METAP1D: variants seen among roughly 807,000 people sequenced by gnomAD.
METAP1D encodes methionine aminopeptidase 1D, mitochondrial.
Under a neutral mutation model 40.5 loss-of-function variants are expected in METAP1D, and 31 were observed. The observed-to-expected ratio is 0.77, with a 90% confidence interval of 0.58 to 1.03. The LOEUF is 1.03. Ranked by LOEUF, METAP1D falls within the 50% of genes least tolerant of loss-of-function variation. The pLI is 0.00. For missense variants in METAP1D, 411 were observed against 420.7 expected (o/e 0.98, Z 0.20); for synonymous variants, 151 against 146.4 (o/e 1.03, Z -0.22).
At position 172,049,039 on chromosome 2, in the gene METAP1D, C is replaced by T. The variant is rs575617570; in HGVS notation, c.41-12459C>T. 2.5e-4 allele frequency among the ~76,000 whole-genome samples: 38 copies of T among 152,266 alleles called. 1 individual carries two copies. The South Asian group carries it at 6.4e-3, about 26-fold the overall frequency. ...TCGCTCTGTTGCCTAGGCTGAAGTGCAGCAGCGCAATCTTGGCTCACTGCA... is the reference window on the plus strand; with the variant it reads ...TCGCTCTGTTGCCTAGGCTGAAGTGTAGCAGCGCAATCTTGGCTCACTGCA... On this transcript the variant is annotated intron_variant, in intron 1 of 9. Coordinates refer to ENST00000315796, the MANE Select transcript of METAP1D (RefSeq NM_199227.3).
Position 172,077,840 on chromosome 2 carries a change from G to T in METAP1D, c.748G>T (p.Val250Leu), listed in dbSNP as rs1183165516. ...TGGTTTTCAAGTCTGTCCACATTTTGTGGGACATGGAATAGGATCTTACTT... is the reference window on the plus strand; with the variant it reads ...TGGTTTTCAAGTCTGTCCACATTTTTTGGGACATGGAATAGGATCTTACTT... The part of the protein sequence containing the change: ...QNGFQVCPHF[V>L]GHGIGSYFHG... Residue 250 changes from valine (V) to leucine (L), a missense_variant, in exon 7 of 10, where the codon GTG becomes TTG. Transcript: ENST00000315796. 2.5e-6 allele frequency: 4 copies of T among 1,612,016 alleles called. No homozygotes were observed. The highest frequency in any genetic ancestry group is 2.7e-5 in the African/African-American group (2 of 74,914).
At chr2:172,076,594 A>C (rs1418754688) in intron 6 of METAP1D, among the ~76,000 whole-genome samples, 1 of 152,268 alleles carries the variant, frequency 6.6e-6, no homozygotes, top group Non-Finnish European at 1.5e-5. Context: ...TTAAATCTGA[A>C]TAAGAGGCTG....
chr2:172,024,479 A>G (rs1689079201), intron 1 of METAP1D, among the ~76,000 whole-genome samples: 1 of 152,062 alleles, frequency 6.6e-6, no homozygotes, highest in Non-Finnish European at 1.5e-5. Context: ...CCAAACCACA[A>G]AGCCCAACCA....
intron 1 of METAP1D, among the ~76,000 whole-genome samples, chr2:172,045,865 GA>G: frequency 1.6e-5 from 1 of 62,922 alleles, no homozygotes; most frequent in South Asian, 5.3e-4. Context: ...ATATATATAT[GA>G]CGGAATTCTT....
At chr2:172,016,114 AAG>A (rs1271161247) in intron 1 of METAP1D, among the ~76,000 whole-genome samples, 1 of 147,180 alleles carries the variant, frequency 6.8e-6, no homozygotes, top group Non-Finnish European at 1.5e-5. Context: ...AAAACAAAAA[AAG>A]AAAAAAAAAA....
At chr2:172,071,714 C>CT (rs1305138871) in intron 6 of METAP1D, among the ~76,000 whole-genome samples, 1 of 152,008 alleles carries the variant, frequency 6.6e-6, no homozygotes, top group Non-Finnish European at 1.5e-5. Context: ...ACTTTTAGGT[C>CT]TTTTTTCCCC....
chr2:172,013,684 TGA>T (rs1284631264), intron 1 of METAP1D, among the ~76,000 whole-genome samples: 1 of 152,022 alleles, frequency 6.6e-6, no homozygotes, highest in Admixed American at 6.6e-5. Context: ...AGGCCACATG[TGA>T]GAGAATAGAG....
intron 1 of METAP1D, among the ~76,000 whole-genome samples, chr2:172,030,280 C>T (rs1029776081): frequency 1.3e-5 from 2 of 150,920 alleles, no homozygotes; most frequent in Admixed American, 6.6e-5. Flanking sequence ...TTATTAGAGA[C>T]GGGGTTTCTT....
chr2:172,025,675 C>T (rs1396187631), intron 1 of METAP1D, among the ~76,000 whole-genome samples: 6 of 151,982 alleles, frequency 3.9e-5, no homozygotes, highest in Non-Finnish European at 8.8e-5. Context: ...TGGTATGAGT[C>T]TCCATGTAAG....
chr2:172,059,864 C>T (rs1398653526), intron 1 of METAP1D, among the ~76,000 whole-genome samples: 6 of 152,090 alleles, frequency 3.9e-5, no homozygotes, highest in African/African-American at 1.4e-4. Flanking sequence ...GCATGGCCAA[C>T]ATGGTGAAAC....
At chr2:172,069,665 A>G (rs977524864) in intron 5 of METAP1D, among the ~76,000 whole-genome samples, 1 of 152,212 alleles carries the variant, frequency 6.6e-6, no homozygotes, top group Non-Finnish European at 1.5e-5. Flanking sequence ...AAGTGGGAGT[A>G]AATGTATAAA....
intron 1 of METAP1D, among the ~76,000 whole-genome samples, chr2:172,037,145 C>T (rs183306840): frequency 6.6e-6 from 1 of 152,148 alleles, no homozygotes; most frequent in East Asian, 1.9e-4. Flanking sequence ...ACCTATAATC[C>T]CAGCTGCTTG....
At chr2:172,022,579 A>C (rs1014466894) in intron 1 of METAP1D, among the ~76,000 whole-genome samples, 1 of 152,182 alleles carries the variant, frequency 6.6e-6, no homozygotes, top group Admixed American at 6.6e-5. Flanking sequence ...CTTTGCTTGC[A>C]TAAGTAAAAA....
At chr2:172,065,040 C>A (rs1200061189) in intron 3 of METAP1D, among the ~76,000 whole-genome samples, 1 of 152,130 alleles carries the variant, frequency 6.6e-6, no homozygotes. Context: ...TTTATTTAGA[C>A]ATGAAAGAAA....
At chr2:172,021,245 G>T (rs1028736763) in intron 1 of METAP1D, among the ~76,000 whole-genome samples, 3 of 152,152 alleles carry the variant, frequency 2.0e-5, no homozygotes, top group African/African-American at 7.2e-5. Context: ...CAGGACTCCT[G>T]GTATGGAATG....
intron 1 of METAP1D, among the ~76,000 whole-genome samples, chr2:172,005,929 A>T (rs1366835256): frequency 6.6e-6 from 1 of 152,160 alleles, no homozygotes; most frequent in Non-Finnish European, 1.5e-5. Flanking sequence ...ATTTCAATGT[A>T]TACTACAGGG....
intron 1 of METAP1D, among the ~76,000 whole-genome samples, chr2:172,025,938 A>T (rs1039515697): frequency 6.6e-6 from 1 of 152,228 alleles, no homozygotes; most frequent in Non-Finnish European, 1.5e-5. Context: ...TTTAGTAGGC[A>T]TCTCTAAAAT....
At position 172,080,370 on chromosome 2, in the gene METAP1D, C is replaced by G. The variant is rs759569027; in HGVS notation, c.972C>G (p.Gly324=). 6.2e-7 allele frequency: 1 copy of G among 1,614,010 alleles called. No homozygotes were observed. The highest frequency in any genetic ancestry group is 8.5e-7 in the Non-Finnish European group (1 of 1,179,894). ...ACACGGTTCTGATCACGTCGAGGGG[C>G]GCGCAGATCCTGACCAAACTACCCC... ...FEHTVLITSR[G]AQILTKLPHE... Residue 324 remains glycine, a synonymous_variant, in exon 10 of 10, where the codon GGC becomes GGG. Transcript: ENST00000315796.
At chr2:172,059,182 C>A (rs1057340239) in intron 1 of METAP1D, among the ~76,000 whole-genome samples, 2 of 151,206 alleles carry the variant, frequency 1.3e-5, no homozygotes, top group Non-Finnish European at 2.9e-5. Flanking sequence ...GATCTTGGCT[C>A]ACTGCACCCT....
Sources: allele counts gnomAD v4.1 joint callset (sites outside exome capture counted in the v4.1 genomes callset), GRCh38; gene constraint gnomAD v4.1.1; transcripts MANE v1.5; gene names NCBI Gene and HGNC (gene_info 2026-07-23, HGNC 2026-07-21).